RB1CC1: variants seen among roughly 807,000 people sequenced by gnomAD.
RB1CC1 encodes the protein RB1-inducible coiled-coil protein 1.
RB1CC1 carries 46 observed loss-of-function variants against 177.5 expected under a neutral mutation model. The ratio of observed to expected loss-of-function variants is 0.26; its 90% CI spans 0.20 to 0.33. RB1CC1 has a LOEUF of 0.33. Among genes scored for constraint, RB1CC1 ranks in the 10% least tolerant of loss-of-function variants. RB1CC1 has a pLI of 1.00. For synonymous variants in RB1CC1, 666 were observed against 613.6 expected (o/e 1.09, Z -1.26); for missense variants, 1,703 against 1,816.3 (o/e 0.94, Z 1.13).
chr8:52,671,727 T>C (rs933605917), intron 7 of RB1CC1, among the ~76,000 whole-genome samples: 3 of 152,244 alleles, frequency 2.0e-5, no homozygotes, highest in African/African-American at 2.4e-5. Flanking sequence ...TTTTAAATTC[T>C]GGCATACACG....
intron 1 of RB1CC1, among the ~76,000 whole-genome samples, chr8:52,707,831 T>C (rs574666919): frequency 6.6e-6 from 1 of 152,306 alleles, no homozygotes; most frequent in African/African-American, 2.4e-5. Flanking sequence ...GCCAACTTGA[T>C]ATAGGCTAGA....
intron 15 of RB1CC1, among the ~76,000 whole-genome samples, chr8:52,649,010 G>A (rs1311499640): frequency 1.3e-5 from 2 of 152,104 alleles, no homozygotes; most frequent in Non-Finnish European, 2.9e-5. Flanking sequence ...TGGATACACT[G>A]GACAAATCAT....
At chr8:52,657,951 A>C in intron 14 of RB1CC1, 43 bp from the exon 15 acceptor site, 1 of 1,612,754 alleles carries the variant, frequency 6.2e-7, no homozygotes, top group African/African-American at 1.3e-5. Flanking sequence ...CAGGAACACA[A>C]ACATTTTACA....
intron 12 of RB1CC1, among the ~76,000 whole-genome samples, 168 bp from the exon 13 acceptor site, chr8:52,659,144 T>C (rs1563394503): frequency 6.6e-6 from 1 of 152,154 alleles, no homozygotes; most frequent in Non-Finnish European, 1.5e-5. Flanking sequence ...GGCATATTAT[T>C]TTCCTGAGCC....
intron 7 of RB1CC1, among the ~76,000 whole-genome samples, chr8:52,670,075 GACTAC>G (rs1852426682): frequency 6.6e-6 from 1 of 152,122 alleles, no homozygotes; most frequent in Non-Finnish European, 1.5e-5. Context: ...TAACTGCTGG[GACTAC>G]AGGCATGTGC....
intron 1 of RB1CC1, among the ~76,000 whole-genome samples, chr8:52,693,341 C>A (rs558764848): frequency 1.3e-5 from 2 of 152,090 alleles, no homozygotes; most frequent in African/African-American, 2.4e-5. Context: ...AGACAACCTA[C>A]GGGATGGAAG....
chr8:52,713,890 G>C (rs1040525305), intron 1 of RB1CC1, among the ~76,000 whole-genome samples, 185 bp downstream of exon 1: 3 of 152,156 alleles, frequency 2.0e-5, no homozygotes, highest in East Asian at 3.9e-4. Context: ...CCGGGAAAGC[G>C]GCCAGTGGGC....
At chr8:52,691,950 T>C (rs1437280795) in intron 1 of RB1CC1, among the ~76,000 whole-genome samples, 2 of 152,252 alleles carry the variant, frequency 1.3e-5, no homozygotes, top group Admixed American at 6.5e-5. Flanking sequence ...GAGTTATTCA[T>C]TGTATACCAC....
At position 52,623,905 on chromosome 8, in the gene RB1CC1, A is replaced by ATC. The variant is rs201357203; in HGVS notation, c.4708-48_4708-47dup. 6.6e-4 allele frequency: 807 copies of ATC among 1,222,650 alleles called. 4 individuals carry two copies. Among genetic ancestry groups the ATC allele is most frequent in the South Asian group, 5.8e-3 (478 of 82,312 alleles). 75.7% of individuals were successfully genotyped at this position (1,222,650 alleles called of 1,614,324 possible). A position where few individuals can be genotyped will look rare whatever the true frequency, so the allele number is the denominator to read the frequency against. On this transcript the variant is annotated intron_variant, in intron 23 of 23. Coordinates refer to ENST00000025008, the MANE Select transcript of RB1CC1 (RefSeq NM_014781.5). Reference sequence around the variant, plus strand: ...GGAATCACTAGAGTGATTAAACCACATCTCTCTCTCTCACACACACACACA... The same window carrying ATC: ...GGAATCACTAGAGTGATTAAACCACATCTCTCTCTCTCTCACACACACACACA...
At position 52,657,838 on chromosome 8, in the gene RB1CC1, G is replaced by A. The variant is rs1268140408; in HGVS notation, c.1991C>T (p.Thr664Ile). ...PRMESTAGIT[T>I]TTSPRTPPPL... ...TGGAGGAGTTCTCGGTGAGGTAGTA[G>A]TTGTAATTCCTGCTGTACTTTCCAT... Residue 664 changes from threonine (T) to isoleucine (I), a missense_variant, in exon 15 of 24, where the codon ACT (threonine) becomes ATT (isoleucine). By Grantham distance (89) the Thr-to-Ile change is moderately conservative. This residue lies in a region of RB1CC1 where 1,169 missense variants were observed against 1,184.7 expected (regional missense o/e 0.99). Coordinates refer to ENST00000025008, the MANE Select transcript of RB1CC1 (RefSeq NM_014781.5). 1.2e-6 allele frequency: 2 copies of A among 1,613,898 alleles called. No homozygotes were observed. Among genetic ancestry groups the A allele is most frequent in the Admixed American group, 3.3e-5 (2 of 59,984 alleles).
rs573166922 is a variant in RB1CC1, at chr8:52,670,086, T to C, written c.1003-1895A>G. On this transcript the variant is annotated intron_variant, in intron 7 of 23. Transcript: ENST00000025008. ...TCCCTAACTGCTGGGACTACAGGCA[T>C]GTGCCACCACAATCAGCTAATTTTT... 5.9e-3 allele frequency among the ~76,000 whole-genome samples: 899 copies of C among 152,284 alleles called. 12 individuals are homozygous for C. Among genetic ancestry groups the C allele is most frequent in the African/African-American group, 0.021 (853 of 41,562 alleles).
intron 15 of RB1CC1, among the ~76,000 whole-genome samples, chr8:52,648,637 T>C (rs896985800): frequency 2.6e-5 from 4 of 152,136 alleles, no homozygotes; most frequent in Non-Finnish European, 4.4e-5. Flanking sequence ...CCTGAAACTG[T>C]AGATAGTAAC....
chr8:52,623,686 C>T lies in RB1CC1; in HGVS notation c.*96G>A. The stretch of plus-strand genomic sequence containing the variant: ...AAGTATATTGTCACGCTGACTTTTG[C>T]ATAAAAAGATGGCCTGCTGTTTTTG... On this transcript the variant is annotated 3_prime_UTR_variant, in exon 24 of 24. Coordinates refer to ENST00000025008, the MANE Select transcript of RB1CC1 (RefSeq NM_014781.5). The T allele has an allele frequency of 1.2e-6, 1 of 853,916 alleles. No individual in the cohort carries two copies. Among genetic ancestry groups the T allele is most frequent in the Non-Finnish European group, 2.0e-6 (1 of 505,172 alleles). 52.9% of individuals were successfully genotyped at this position (853,916 alleles called of 1,614,324 possible).
chr8:52,714,120 A>AC lies in RB1CC1; in HGVS notation c.-213dup. 6.2e-6 allele frequency: 2 copies of AC among 322,344 alleles called. No homozygotes were observed. Among genetic ancestry groups the AC allele is most frequent in the South Asian group, 2.1e-5 (1 of 46,822 alleles). The allele number at this position is 322,344 out of a possible 1,614,324, so 20.0% of individuals were successfully genotyped here. Reference sequence around the variant, plus strand: ...GCCGGCGGCAGCAGCAGAGCCAGCGACCCCCGGCACCATCTTCCGCCGCCG... The same window carrying AC: ...GCCGGCGGCAGCAGCAGAGCCAGCGACCCCCCGGCACCATCTTCCGCCGCCG... On this transcript the variant is annotated 5_prime_UTR_variant, in exon 1 of 24. An upstream open reading frame in the 5' UTR gains an earlier in-frame stop. Transcript: ENST00000025008.
At chr8:52,667,537 CT>C (rs2150526939) in intron 8 of RB1CC1, among the ~76,000 whole-genome samples, 1 of 152,288 alleles carries the variant, frequency 6.6e-6, no homozygotes, top group South Asian at 2.1e-4. Context: ...ACATTTACCA[CT>C]CTTACTTAGC....
At position 52,657,404 on chromosome 8, in the gene RB1CC1, G is replaced by A; in HGVS notation, c.2425C>T (p.His809Tyr). The A allele has an allele frequency of 6.2e-7, 1 of 1,613,962 alleles. No homozygotes were observed. Among genetic ancestry groups the A allele is most frequent in the Non-Finnish European group, 8.5e-7 (1 of 1,179,990 alleles). The change falls in exon 15 of 24, where the codon CAC becomes TAC. Residue 809 changes from histidine to tyrosine, a missense_variant. Transcript: ENST00000025008. ...TCCTTAATGGTTTGTATACTGAAGTGAGAGTCTTGGGCAACAACTCTACAT... is the reference window on the plus strand; with the variant it reads ...TCCTTAATGGTTTGTATACTGAAGTAAGAGTCTTGGGCAACAACTCTACAT... ...ERCRVVAQDS[H>Y]FSIQTIKEDL...
At chr8:52,696,355 AG>A (rs1855412582) in intron 1 of RB1CC1, among the ~76,000 whole-genome samples, 1 of 152,170 alleles carries the variant, frequency 6.6e-6, no homozygotes, top group Non-Finnish European at 1.5e-5. Context: ...TTTGGTTTCT[AG>A]AAAGAACCTT....
chr8:52,643,696 C>CAAAAAAAAAAAAAA (rs34520917), intron 16 of RB1CC1, among the ~76,000 whole-genome samples: 2 of 81,060 alleles, frequency 2.5e-5, no homozygotes, highest in African/African-American at 9.8e-5. Flanking sequence ...CTCTAAGAGG[C>CAAAAAAAAAAAAAA]AAAAAAAAAA....
At chr8:52,682,580 G>A (rs1399823971) in intron 5 of RB1CC1, among the ~76,000 whole-genome samples, 1 of 151,306 alleles carries the variant, frequency 6.6e-6, no homozygotes, top group African/African-American at 2.4e-5. Flanking sequence ...TTCTTTCGTT[G>A]AATATAGTTT....
Sources: gnomAD v4.1 joint callset for allele counts (sites outside exome capture counted in the v4.1 genomes callset) on GRCh38, gnomAD v4.1.1 for gene constraint, gnomAD v4.1.1 regional missense constraint, MANE v1.5 for transcripts, NCBI Gene and HGNC (gene_info 2026-07-23, HGNC 2026-07-21) for gene names.